Variants in CCDC7 observed in about 807,000 individuals in gnomAD.
CCDC7 encodes coiled-coil domain-containing protein 7.
A neutral mutation model predicts 196.9 loss-of-function variants in CCDC7; 183 were observed. That is an observed-to-expected ratio of 0.93 (90% CI 0.82 to 1.05). The LOEUF (loss-of-function observed/expected upper bound fraction) is 1.05. CCDC7 is among the 50% of genes least tolerant of loss of function. The pLI is 0.00. For missense variants in CCDC7, 1,540 were observed against 1,482.2 expected (o/e 1.04, Z -0.64); for synonymous variants, 525 against 484.6 (o/e 1.08, Z -1.10).
At chr10:32,549,670 T>C (rs1347242739) in intron 13 of CCDC7, among the ~76,000 whole-genome samples, 2 of 152,146 alleles carry the variant, frequency 1.3e-5, no homozygotes, top group Non-Finnish European at 2.9e-5. Flanking sequence ...TTGAATAGGG[T>C]GTCCTTTCCC....
chr10:32,649,894 TG>T (rs1346739091), intron 20 of CCDC7, among the ~76,000 whole-genome samples: 2 of 152,232 alleles, frequency 1.3e-5, no homozygotes, highest in East Asian at 3.9e-4. Flanking sequence ...AAGGGAATTT[TG>T]TTGTTCAGCT....
intron 41 of CCDC7, among the ~76,000 whole-genome samples, chr10:32,858,496 T>G (rs1029055212): frequency 6.6e-6 from 1 of 152,180 alleles, no homozygotes; most frequent in African/African-American, 2.4e-5. Context: ...TGGGATCTAT[T>G]GCTGACATGT....
intron 30 of CCDC7, 61 bp from the exon 32 acceptor site, chr10:32,814,309 C>CTGT (rs1397548584): frequency 8.6e-7 from 1 of 1,161,050 alleles, no homozygotes; most frequent in African/African-American, 1.5e-5. Context: ...TGCACTCACA[C>CTGT]TGTCACATTT....
At chr10:32,584,390 A>T in intron 18 of CCDC7, 86 bp downstream of exon 19, 1 of 875,938 alleles carries the variant, frequency 1.1e-6, no homozygotes, top group Admixed American at 2.2e-5. Flanking sequence ...TGAGGGGAAA[A>T]CATTATTAAA....
intron 41 of CCDC7, among the ~76,000 whole-genome samples, chr10:32,856,821 C>G (rs2093772517): frequency 6.6e-6 from 1 of 152,170 alleles, no homozygotes; most frequent in African/African-American, 2.4e-5. Flanking sequence ...CAGGATGAGT[C>G]AGCAACATGC....
intron 5 of CCDC7, among the ~76,000 whole-genome samples, chr10:32,465,109 G>GT (rs72519574): frequency 0.016 from 1,097 of 67,346 alleles, 11 homozygotes; most frequent in East Asian, 0.065. Context: ...AATGAAACTA[G>GT]TTTTTTTTTT....
chr10:32,555,303 T>C (rs190924614), intron 13 of CCDC7, among the ~76,000 whole-genome samples: 31 of 151,620 alleles, frequency 2.0e-4, no homozygotes, highest in Admixed American at 4.0e-4. Context: ...CAGAGTGCAA[T>C]GGTGCGATCT....
intron 20 of CCDC7, among the ~76,000 whole-genome samples, chr10:32,651,430 A>G (rs1050392439): frequency 2.0e-5 from 3 of 152,318 alleles, no homozygotes; most frequent in Non-Finnish European, 4.4e-5. Context: ...AGCTCTGTCT[A>G]TGAGAGCAGC....
intron 28 of CCDC7, among the ~76,000 whole-genome samples, chr10:32,765,642 T>A (rs1230504328): frequency 6.6e-6 from 1 of 152,020 alleles, no homozygotes; most frequent in Non-Finnish European, 1.5e-5. Flanking sequence ...ATTAGTGACT[T>A]CATCAAGGAC....
intron 18 of CCDC7, among the ~76,000 whole-genome samples, chr10:32,622,873 A>G (rs1264630044): frequency 6.6e-6 from 1 of 152,154 alleles, no homozygotes; most frequent in African/African-American, 2.4e-5. Context: ...TAAAAAATAG[A>G]TATTATTAAT....
At chr10:32,771,246 TC>T (rs1181072277) in intron 28 of CCDC7, among the ~76,000 whole-genome samples, 36 of 152,344 alleles carry the variant, frequency 2.4e-4, no homozygotes, top group African/African-American at 8.4e-4. Context: ...CTTTAATATT[TC>T]TTATAGGGCT....
At chr10:32,510,591 A>G (rs2045957711) in intron 9 of CCDC7, among the ~76,000 whole-genome samples, 1 of 152,206 alleles carries the variant, frequency 6.6e-6, no homozygotes, top group East Asian at 1.9e-4. Context: ...TGGGATAGAT[A>G]CAATAAAAAT....
At chr10:32,650,487 C>T (rs2068552857) in intron 20 of CCDC7, among the ~76,000 whole-genome samples, 1 of 152,192 alleles carries the variant, frequency 6.6e-6, no homozygotes, top group Non-Finnish European at 1.5e-5. Flanking sequence ...ACTGTGCCTG[C>T]AATTTTGTTG....
intron 5 of CCDC7, among the ~76,000 whole-genome samples, chr10:32,465,634 C>T (rs2036617267): frequency 6.6e-6 from 1 of 152,090 alleles, no homozygotes; most frequent in African/African-American, 2.4e-5. Flanking sequence ...TTATCCTATG[C>T]CTTTTTTCTT....
intron 8 of CCDC7, among the ~76,000 whole-genome samples, chr10:32,480,250 C>G (rs575718320): frequency 2.0e-5 from 3 of 151,626 alleles, no homozygotes; most frequent in African/African-American, 4.8e-5. Flanking sequence ...TCAGTTTGTT[C>G]TTTTTCTAGT....
In CCDC7 at chr10:32,751,958, G is replaced by A. The variant is rs533507312; in HGVS notation, c.2905+22501G>A. 2.5e-4 allele frequency among the ~76,000 whole-genome samples: 38 copies of A among 152,208 alleles called. No homozygotes were observed. In the South Asian group the frequency reaches 7.5e-3, roughly 30 times the overall value. Reference sequence around the variant, plus strand: ...ATGCCTAACTCACTGAAGGCAGTTCGCTTGCCTCTGTATGATAGAAAATTT... The same window carrying A: ...ATGCCTAACTCACTGAAGGCAGTTCACTTGCCTCTGTATGATAGAAAATTT... On this transcript the variant is annotated intron_variant, in intron 28 of 41. Coordinates refer to ENST00000639629, the Ensembl canonical transcript of CCDC7.
At chr10:32,850,814 CACACAG>C (rs370409313) in intron 39 of CCDC7, among the ~76,000 whole-genome samples, 8,014 of 125,010 alleles carry the variant, frequency 0.064, 337 homozygotes, top group South Asian at 0.26. Flanking sequence ...CACACACACA[CACACAG>C]AGACATGCAA....
intron 20 of CCDC7, among the ~76,000 whole-genome samples, chr10:32,638,699 G>A (rs1243336955): frequency 6.6e-6 from 1 of 152,136 alleles, no homozygotes; most frequent in Non-Finnish European, 1.5e-5. Flanking sequence ...CTCTTTTCTT[G>A]TTGTGTCTCT....
At chr10:32,753,638 A>G (rs1320155584) in intron 28 of CCDC7, among the ~76,000 whole-genome samples, 1 of 152,140 alleles carries the variant, frequency 6.6e-6, no homozygotes, top group Non-Finnish European at 1.5e-5. Context: ...TTGGCTTTAA[A>G]GTATATAATG....
Sources: allele counts gnomAD v4.1 joint callset (sites outside exome capture counted in the v4.1 genomes callset), GRCh38; gene constraint gnomAD v4.1.1; transcripts MANE v1.5; gene names NCBI Gene and HGNC (gene_info 2026-07-23, HGNC 2026-07-21).